The following ME1 variants were observed in gnomAD, a reference collection of about 807,000 sequenced individuals.
ME1 encodes NADP-dependent malic enzyme.
Under a neutral mutation model 66.4 loss-of-function variants are expected in ME1, and 74 were observed. The observed-to-expected ratio is 1.11, with a 90% CI of 0.92 to 1.35. The LOEUF is 1.35. Ranked by LOEUF, ME1 falls within the 40% of genes most tolerant of loss-of-function variation. The pLI is 0.00. For missense variants in ME1, 750 were observed against 694.1 expected, an observed-to-expected ratio of 1.08 and a Z score of -0.90; for synonymous variants, 251 against 235.6, an observed-to-expected ratio of 1.07 and a Z score of -0.60.
chr6:83,237,569 A>G (rs1036268363), intron 9 of ME1, 148 bp downstream of exon 9: 7 of 465,722 alleles, frequency 1.5e-5, no homozygotes, highest in Non-Finnish European at 2.7e-5. Flanking sequence ...GAAGAGTATC[A>G]GTATTCTGTA....
chr6:83,326,042 C>G (rs540174160), intron 5 of ME1, among the ~76,000 whole-genome samples: 7 of 150,780 alleles, frequency 4.6e-5, no homozygotes, highest in Non-Finnish European at 8.8e-5. Flanking sequence ...GGTATTGGAA[C>G]CAAAACAGAT....
At chr6:83,292,280 T>C (rs1767517804) in intron 6 of ME1, among the ~76,000 whole-genome samples, 2 of 152,202 alleles carry the variant, frequency 1.3e-5, no homozygotes, top group South Asian at 4.1e-4. Context: ...TCATTGATGT[T>C]GGGACCTACG....
At chr6:83,339,782 G>A (rs1174806243) in intron 5 of ME1, among the ~76,000 whole-genome samples, 1 of 100,602 alleles carries the variant, frequency 9.9e-6, no homozygotes, top group Non-Finnish European at 2.0e-5. Context: ...AGATCACATG[G>A]ACACAGGAAG....
At position 83,390,107 on chromosome 6, in the gene ME1, G is replaced by T. The variant is rs76526603; in HGVS notation, c.362+8260C>A. Among the ~76,000 whole-genome samples, 994 of 151,816 alleles carry T rather than the reference G, an allele frequency of 6.5e-3. 11 individuals carry two copies. The highest frequency in any genetic ancestry group is 0.023 in the African/African-American group (942 of 41,396). On this transcript the variant is annotated intron_variant, in intron 3 of 13. Transcript: ENST00000369705. ...GTTATTCATACAAGAATTTATTTTGGGATACCTAGCCAGATTTTAATGCCA... is the reference window on the plus strand; with the variant it reads ...GTTATTCATACAAGAATTTATTTTGTGATACCTAGCCAGATTTTAATGCCA...
chr6:83,410,668 G>C (rs540706344), intron 1 of ME1, among the ~76,000 whole-genome samples: 119 of 152,306 alleles, frequency 7.8e-4, no homozygotes, highest in African/African-American at 2.8e-3. Flanking sequence ...GTAAACTTCT[G>C]AGTGTTATGC....
At chr6:83,274,528 A>C (rs1767141313) in intron 6 of ME1, among the ~76,000 whole-genome samples, 1 of 152,212 alleles carries the variant, frequency 6.6e-6, no homozygotes. Context: ...AGGTTGTTTC[A>C]GTTCTTCTAT....
At chr6:83,234,568 A>G (rs1042119987) in intron 9 of ME1, among the ~76,000 whole-genome samples, 1 of 152,122 alleles carries the variant, frequency 6.6e-6, no homozygotes, top group Non-Finnish European at 1.5e-5. Context: ...TCCATATTTC[A>G]TCAGTTACTA....
chr6:83,228,505 A>G (rs1790240307), intron 10 of ME1, among the ~76,000 whole-genome samples: 1 of 152,094 alleles, frequency 6.6e-6, no homozygotes. Flanking sequence ...GACATTGCCA[A>G]ATGTTTCCTG....
At chr6:83,283,227 C>CAAAAAAAAAAAAAAAAAAAAAAAAAAAA (rs71545854) in intron 6 of ME1, among the ~76,000 whole-genome samples, 3 of 28,910 alleles carry the variant, frequency 1.0e-4, no homozygotes, top group African/African-American at 1.4e-4. Flanking sequence ...GACTCCGTCT[C>CAAAAAAAAAAAAAAAAAAAAAAAAAAAA]AAAAAAAAAA....
At chr6:83,364,919 T>G (rs1158369389) in intron 3 of ME1, among the ~76,000 whole-genome samples, 1 of 152,092 alleles carries the variant, frequency 6.6e-6, no homozygotes, top group Non-Finnish European at 1.5e-5. Context: ...CCTCCCCAAG[T>G]TGATGCCCCA....
intron 2 of ME1, among the ~76,000 whole-genome samples, chr6:83,400,954 G>C (rs1233863845): frequency 2.0e-5 from 3 of 152,054 alleles, no homozygotes; most frequent in African/African-American, 7.2e-5. Flanking sequence ...ATGGCTAACT[G>C]CTCCACCACC....
At chr6:83,389,062 T>G (rs1488519832) in intron 3 of ME1, among the ~76,000 whole-genome samples, 1 of 152,146 alleles carries the variant, frequency 6.6e-6, no homozygotes, top group Non-Finnish European at 1.5e-5. Flanking sequence ...GAGGTTGCAG[T>G]GAGCAGAGAT....
intron 3 of ME1, among the ~76,000 whole-genome samples, chr6:83,375,804 G>A (rs1769277009): frequency 6.6e-6 from 1 of 152,174 alleles, no homozygotes; most frequent in South Asian, 2.1e-4. Flanking sequence ...TTAACAGGAA[G>A]AGATGTTGCA....
chr6:83,260,993 G>A (rs1766877239), intron 6 of ME1, among the ~76,000 whole-genome samples: 1 of 152,060 alleles, frequency 6.6e-6, no homozygotes, highest in Non-Finnish European at 1.5e-5. Flanking sequence ...GGGATTGCTG[G>A]GTCAAATGGT....
intron 7 of ME1, among the ~76,000 whole-genome samples, chr6:83,245,559 T>C (rs1045280520): frequency 2.6e-5 from 4 of 152,150 alleles, no homozygotes; most frequent in South Asian, 2.1e-4. Context: ...GCATGCACCA[T>C]CATGCCCGGC....
At chr6:83,341,916 C>A (rs559850448) in intron 5 of ME1, among the ~76,000 whole-genome samples, 64 of 152,302 alleles carry the variant, frequency 4.2e-4, no homozygotes, top group African/African-American at 1.4e-3. Context: ...AACTTTGTAA[C>A]TTCACATCAG....
intron 1 of ME1, among the ~76,000 whole-genome samples, chr6:83,410,807 C>T (rs57309832): frequency 5.9e-4 from 89 of 152,078 alleles, no homozygotes; most frequent in Non-Finnish European, 1.1e-3. Context: ...TTATAGTTAG[C>T]CAGTCTTTTA....
At chr6:83,390,483 C>T (rs1298285057) in intron 3 of ME1, among the ~76,000 whole-genome samples, 1 of 152,124 alleles carries the variant, frequency 6.6e-6, no homozygotes, top group Non-Finnish European at 1.5e-5. Flanking sequence ...ATCCACAATT[C>T]CCTTTCTAAT....
chr6:83,344,570 T>C (rs1024035631), intron 5 of ME1, among the ~76,000 whole-genome samples: 14 of 151,326 alleles, frequency 9.3e-5, no homozygotes, highest in African/African-American at 3.4e-4. Flanking sequence ...GCAACAACAG[T>C]GAGACCCTGT....
Sources: gnomAD v4.1 joint callset for allele counts (sites outside exome capture counted in the v4.1 genomes callset) on GRCh38, gnomAD v4.1.1 for gene constraint, MANE v1.5 for transcripts, NCBI Gene and HGNC (gene_info 2026-07-23, HGNC 2026-07-21) for gene names.